Variants in ANAPC10 observed in about 807,000 individuals in gnomAD.
ANAPC10 encodes anaphase promoting complex subunit 10, also known as anaphase-promoting complex subunit 10.
ANAPC10 carries 12 observed loss-of-function variants against 22.0 expected under a neutral mutation model. The observed-to-expected ratio is 0.55, with a 90% CI of 0.35 to 0.88. ANAPC10 has a LOEUF of 0.88. ANAPC10 is among the 40% of genes least tolerant of loss of function. The probability of loss-of-function intolerance (pLI) is 0.01; values close to 1 mark genes in which losing one functional copy is unlikely to be tolerated. For synonymous variants in ANAPC10, 65 were observed against 69.5 expected (o/e 0.94, Z 0.32); for missense variants, 188 against 220.9 (o/e 0.85, Z 0.94).
chr4:145,037,012 GTGTGTGTGTGTGTGTGTGTGTGTGTGTA>G (rs1450789666), intron 4 of ANAPC10, among the ~76,000 whole-genome samples: 3 of 138,850 alleles, frequency 2.2e-5, no homozygotes, highest in Admixed American at 7.2e-5. Flanking sequence ...GTGTGTGTGT[GTGTGTGTGTGTGTGTGTGTGTGTGTGTA>G]TGTGTGTGCA....
At chr4:145,055,640 G>C (rs1028663446) in intron 4 of ANAPC10, among the ~76,000 whole-genome samples, 19 of 152,012 alleles carry the variant, frequency 1.2e-4, no homozygotes, top group Admixed American at 6.6e-5. Context: ...ATTATGCTAA[G>C]TGAAGTAAGC....
Position 145,081,675 on chromosome 4 carries a change from A to G in ANAPC10, c.191T>C (p.Val64Ala). Residue 64 changes from valine (V) to alanine (A), a missense_variant, in exon 3 of 5, where the codon GTG becomes GCG. Physicochemically the swap from Val to Ala is moderately conservative, Grantham distance 64. Coordinates refer to ENST00000507656, the MANE Select transcript of ANAPC10 (RefSeq NM_001256706.2). The stretch of plus-strand genomic sequence containing the variant: ...TATTAATTACCTGAATTGGATGTTC[A>G]CTAAATGAGGCTGGGAACCATCTGA... ...WQSDGSQPHL[V>A]NIQFRRKTTV... 1 of 1,610,426 alleles carries G rather than the reference A, an allele frequency of 6.2e-7. No homozygotes were observed. The highest frequency in any genetic ancestry group is 1.1e-5 in the South Asian group (1 of 89,994).
At chr4:145,070,647 T>A (rs1744361018) in intron 3 of ANAPC10, among the ~76,000 whole-genome samples, 2 of 152,204 alleles carry the variant, frequency 1.3e-5, no homozygotes, top group South Asian at 2.1e-4. Context: ...CCTGTGGATA[T>A]ATATCCAAAA....
chr4:145,060,781 A>T (rs1478961083), intron 4 of ANAPC10, among the ~76,000 whole-genome samples: 2 of 152,060 alleles, frequency 1.3e-5, no homozygotes, highest in Admixed American at 1.3e-4. Context: ...ATGAGTCAGA[A>T]GCAGCAAAGT....
intron 4 of ANAPC10, among the ~76,000 whole-genome samples, chr4:145,045,889 T>C (rs528176140): frequency 3.3e-5 from 5 of 152,274 alleles, no homozygotes; most frequent in African/African-American, 1.2e-4. Context: ...AATAACTTTT[T>C]CATACTGTAA....
intron 2 of ANAPC10, among the ~76,000 whole-genome samples, chr4:145,094,190 T>C (rs985282118): frequency 3.3e-5 from 5 of 152,264 alleles, no homozygotes; most frequent in African/African-American, 1.2e-4. Context: ...TACAGATATG[T>C]GCCCCAGCAA....
chr4:145,059,349 C>T (rs1039777976), intron 4 of ANAPC10, among the ~76,000 whole-genome samples: 5 of 152,014 alleles, frequency 3.3e-5, no homozygotes, highest in Non-Finnish European at 7.4e-5. Flanking sequence ...AAGTAGAGAG[C>T]GAAAGGCCAC....
intron 4 of ANAPC10, among the ~76,000 whole-genome samples, chr4:145,032,593 C>G (rs1179445026): frequency 6.6e-6 from 1 of 152,194 alleles, no homozygotes; most frequent in Non-Finnish European, 1.5e-5. Flanking sequence ...CCCCAGCCAC[C>G]ACTGTCATCG....
At position 145,031,629 on chromosome 4, in the gene ANAPC10, G is replaced by A. The variant is rs188459705; in HGVS notation, c.327+32943C>T. On this transcript the variant is annotated intron_variant, in intron 4 of 4. Coordinates refer to ENST00000507656, the MANE Select transcript of ANAPC10 (RefSeq NM_001256706.2). ...CTCTGCAACAGGTCCAGGCTGCTGT[G>A]CAAGCTGCTCTGCCACTTGGGCCAT... is the stretch of plus-strand genomic sequence containing the variant. 2.4e-3 allele frequency among the ~76,000 whole-genome samples: 359 copies of A among 152,306 alleles called. 1 individual carries two copies. Among genetic ancestry groups the A allele is most frequent in the African/African-American group, 8.4e-3 (349 of 41,554 alleles).
chr4:145,077,217 G>A (rs1745333012), intron 3 of ANAPC10, among the ~76,000 whole-genome samples: 1 of 151,610 alleles, frequency 6.6e-6, no homozygotes, highest in Non-Finnish European at 1.5e-5. Flanking sequence ...TAAATAAATA[G>A]AATAAAATAA....
chr4:145,028,229 T>C (rs535303063), intron 4 of ANAPC10, among the ~76,000 whole-genome samples: 1 of 152,278 alleles, frequency 6.6e-6, no homozygotes, highest in South Asian at 2.1e-4. Flanking sequence ...AGCCTTAATC[T>C]GGTGGGCACA....
At chr4:145,067,910 T>G (rs1324662710) in intron 3 of ANAPC10, among the ~76,000 whole-genome samples, 1 of 152,202 alleles carries the variant, frequency 6.6e-6, no homozygotes, top group Non-Finnish European at 1.5e-5. Context: ...TGGTGTGTAC[T>G]AAAGAAAGTT....
intron 3 of ANAPC10, among the ~76,000 whole-genome samples, chr4:145,070,909 T>C (rs1428567721): frequency 6.6e-6 from 1 of 152,198 alleles, no homozygotes; most frequent in African/African-American, 2.4e-5. Flanking sequence ...AAATATTATA[T>C]AATTCCACTT....
intron 4 of ANAPC10, chr4:145,033,083 G>A (rs1038073515): frequency 1.3e-5 from 2 of 152,220 alleles, no homozygotes; most frequent in African/African-American, 4.8e-5. Flanking sequence ...AGACAGAATG[G>A]TGGAATAGCC....
chr4:145,000,981 G>A (rs1473146679), intron 4 of ANAPC10, among the ~76,000 whole-genome samples: 1 of 152,014 alleles, frequency 6.6e-6, no homozygotes, highest in African/African-American at 2.4e-5. Flanking sequence ...ACTCATAAAT[G>A]GGAATTGAAC....
intron 4 of ANAPC10, among the ~76,000 whole-genome samples, chr4:145,010,684 AAG>A (rs2126918622): frequency 1.3e-5 from 2 of 152,100 alleles, no homozygotes; most frequent in Middle Eastern, 3.4e-3. Flanking sequence ...GGGGTGGGGA[AAG>A]AGGGGGAGGG....
In ANAPC10 at chr4:145,064,782, T is replaced by G; in HGVS notation, c.207-90A>C. 4 of 1,135,784 alleles carry G rather than the reference T, an allele frequency of 3.5e-6. No individual in the cohort carries two copies. In the South Asian group the frequency reaches 7.6e-5, roughly 22 times the overall value. 70.4% of individuals were successfully genotyped at this position (1,135,784 alleles called of 1,614,324 possible). On this transcript the variant is annotated intron_variant, in intron 3 of 4. Coordinates refer to ENST00000507656, the MANE Select transcript of ANAPC10 (RefSeq NM_001256706.2). ...TCTTCTGATTTTAAAAATCATAGTTTGCTAAAAGGAGTATTTGAATCAACA... is the reference window on the plus strand; with the variant it reads ...TCTTCTGATTTTAAAAATCATAGTTGGCTAAAAGGAGTATTTGAATCAACA...
At chr4:145,040,918 T>C (rs1169961899) in intron 4 of ANAPC10, among the ~76,000 whole-genome samples, 2 of 152,226 alleles carry the variant, frequency 1.3e-5, no homozygotes, top group African/African-American at 2.4e-5. Flanking sequence ...TATTGTTTTA[T>C]ATTATTAGTT....
chr4:145,035,286 C>T (rs893593770), intron 4 of ANAPC10: 2 of 152,130 alleles, frequency 1.3e-5, no homozygotes, highest in African/African-American at 4.8e-5. Flanking sequence ...AGAGGACGAC[C>T]CTCCCTAATA....
Sources: gnomAD v4.1 joint callset for allele counts (sites outside exome capture counted in the v4.1 genomes callset) on GRCh38, gnomAD v4.1.1 for gene constraint, MANE v1.5 for transcripts, NCBI Gene and HGNC (gene_info 2026-07-23, HGNC 2026-07-21) for gene names.